Variants in ERN1 observed in about 807,000 individuals in gnomAD.
The protein encoded by ERN1 is serine/threonine-protein kinase/endoribonuclease IRE1.
In ERN1, 39 loss-of-function variants were observed where a neutral mutation model predicts 113.1. The ratio of observed to expected loss-of-function variants is 0.34; its 90% CI spans 0.27 to 0.45. The LOEUF (loss-of-function observed/expected upper bound fraction) is 0.45. Ranked by LOEUF, ERN1 falls within the 20% of genes least tolerant of loss-of-function variation. The pLI, the probability that ERN1 is intolerant of heterozygous loss-of-function variation, is 1.00. For missense variants in ERN1, 976 were observed against 1,274.8 expected (o/e 0.77, Z 3.57); for synonymous variants, 507 against 515.9 (o/e 0.98, Z 0.23).
intron 11 of ERN1, 92 bp from the exon 12 acceptor site, chr17:64,058,085 G>C (rs555811715): frequency 1.4e-3 from 1,365 of 977,140 alleles, no homozygotes; most frequent in Non-Finnish European, 1.9e-3. Flanking sequence ...CTGTTTACAA[G>C]GATATGACTG....
intron 2 of ERN1, among the ~76,000 whole-genome samples, chr17:64,084,470 G>A (rs1913863793): frequency 6.6e-6 from 1 of 151,954 alleles, no homozygotes; most frequent in African/African-American, 2.4e-5. Context: ...CCAATCACCA[G>A]CTGAGTGACC....
intron 1 of ERN1, among the ~76,000 whole-genome samples, chr17:64,105,574 C>CTG (rs918434034): frequency 6.8e-4 from 104 of 152,076 alleles, no homozygotes; most frequent in Admixed American, 1.9e-3. Context: ...GGTTTTTTCT[C>CTG]TGTGTGTGTG....
chr17:64,056,689 G>C (rs1912881526), intron 12 of ERN1, among the ~76,000 whole-genome samples: 1 of 152,200 alleles, frequency 6.6e-6, no homozygotes, highest in South Asian at 2.1e-4. Context: ...CAACCCACCA[G>C]GGAGTCGTCT....
chr17:64,117,202 G>A (rs966606524), intron 1 of ERN1, among the ~76,000 whole-genome samples: 1 of 152,098 alleles, frequency 6.6e-6, no homozygotes, highest in Non-Finnish European at 1.5e-5. Context: ...CAGCACTTTG[G>A]GAGGCCAAAG....
At chr17:64,124,776 T>C (rs1915037731) in intron 1 of ERN1, among the ~76,000 whole-genome samples, 1 of 152,232 alleles carries the variant, frequency 6.6e-6, no homozygotes, top group Non-Finnish European at 1.5e-5. Flanking sequence ...TAATGGAATA[T>C]TATTCAGCAA....
rs1482724026 is a variant in ERN1, at chr17:64,063,018, T to G, written c.1087+968A>C. Among the ~76,000 whole-genome samples the G allele has an allele frequency of 6.6e-6, 1 of 152,234 alleles. No individual in the cohort carries two copies. The highest frequency in any genetic ancestry group is 1.9e-4 in the East Asian group (1 of 5,202). On this transcript the variant is annotated intron_variant, in intron 10 of 21. Transcript: ENST00000433197. The surrounding 1 kb of genome is among the most constrained non-coding windows in gnomAD (Gnocchi z 5.1). The stretch of plus-strand genomic sequence containing the variant: ...GCACTGCCTGGCAGATCCTGCTGTT[T>G]CCTGGTCCCCACATGCTCCCAGCTG...
intron 12 of ERN1, 139 bp from the exon 13 acceptor site, chr17:64,056,087 A>G: frequency 2.2e-6 from 3 of 1,354,356 alleles, no homozygotes; most frequent in Non-Finnish European, 2.9e-6. Flanking sequence ...ACCAGTGAGA[A>G]GGCACCTGGA....
At chr17:64,055,553 T>G in intron 13 of ERN1, 122 bp downstream of exon 13, 2 of 918,624 alleles carry the variant, frequency 2.2e-6, no homozygotes, top group Non-Finnish European at 3.1e-6. Flanking sequence ...AGAGTGGAAG[T>G]TAGAGGAGAA....
chr17:64,071,523 C>T (rs531795709), intron 6 of ERN1, among the ~76,000 whole-genome samples: 1 of 152,156 alleles, frequency 6.6e-6, no homozygotes, highest in African/African-American at 2.4e-5. Flanking sequence ...CCAGTTCAGG[C>T]AATTCTCCTG....
At chr17:64,090,843 C>A (rs1914068602) in intron 2 of ERN1, among the ~76,000 whole-genome samples, 1 of 152,156 alleles carries the variant, frequency 6.6e-6, no homozygotes, top group Non-Finnish European at 1.5e-5. Context: ...GTGATGAGTA[C>A]ATGGGGGTTC....
At chr17:64,053,797 A>G (rs1043495065) in intron 15 of ERN1, among the ~76,000 whole-genome samples, 2 of 152,184 alleles carry the variant, frequency 1.3e-5, no homozygotes, top group Admixed American at 1.3e-4. Context: ...CTGCAAGCAG[A>G]CTGCCCAGGC....
rs196931 is a variant in ERN1 at position 64,054,949 on chromosome 17, C to T, written c.1673-121G>A. 725,513 of 738,188 alleles carry T rather than the reference C, an allele frequency of 0.98. 357,579 individuals carry two copies. Among genetic ancestry groups the T allele is most frequent in the East Asian group, 1 (36,468 of 36,468 alleles). 45.7% of individuals were successfully genotyped at this position (738,188 alleles called of 1,614,324 possible). ...AAGATGGGATTTAAGAGGCACTGCA[C>T]CCCAGACTGCTGCTCAGCAAGAGCC... On this transcript the variant is annotated intron_variant, in intron 13 of 21. Coordinates refer to ENST00000433197, the MANE Select transcript of ERN1 (RefSeq NM_001433.5). This position sits in a 1 kb window ranked among gnomAD's most constrained non-coding sequence, Gnocchi z 4.9.
At chr17:64,048,801 T>C (rs765929905) in intron 18 of ERN1, among the ~76,000 whole-genome samples, 3 of 93,654 alleles carry the variant, frequency 3.2e-5, no homozygotes, top group Non-Finnish European at 9.7e-5. Flanking sequence ...AAAGGGGGCT[T>C]TGCCTAGGTC....
At chr17:64,059,987 A>G (rs1283689736) in intron 11 of ERN1, among the ~76,000 whole-genome samples, 1 of 151,350 alleles carries the variant, frequency 6.6e-6, no homozygotes, top group Non-Finnish European at 1.5e-5. Flanking sequence ...CACCCAACCC[A>G]GCCTTCAACA....
chr17:64,114,852 A>G (rs1209684482), intron 1 of ERN1, among the ~76,000 whole-genome samples: 1 of 152,170 alleles, frequency 6.6e-6, no homozygotes, highest in African/African-American at 2.4e-5. Context: ...ACAGCTGAAT[A>G]TTAGCAGAAC....
chr17:64,099,367 T>G, intron 1 of ERN1, among the ~76,000 whole-genome samples: 1 of 151,960 alleles, frequency 6.6e-6, no homozygotes, highest in East Asian at 1.9e-4. Context: ...TGTGCGCACA[T>G]GTACACACGG....
intron 1 of ERN1, chr17:64,102,856 C>T: frequency 1.0e-6 from 1 of 984,862 alleles, no homozygotes; most frequent in Non-Finnish European, 1.2e-6. Context: ...AAGTTAACAA[C>T]CATTTGAAAT....
chr17:64,099,346 G>A (rs1914318630), intron 1 of ERN1, among the ~76,000 whole-genome samples: 1 of 151,570 alleles, frequency 6.6e-6, no homozygotes, highest in Non-Finnish European at 1.5e-5. Flanking sequence ...GGGTTTCCAT[G>A]GGAGCAGGTG....
intron 1 of ERN1, among the ~76,000 whole-genome samples, chr17:64,104,415 A>C (rs756030595): frequency 4.0e-4 from 61 of 152,180 alleles, no homozygotes; most frequent in Non-Finnish European, 7.9e-4. Flanking sequence ...TGAAAGCTGA[A>C]TGTTCCTTAT....
Sources: gnomAD v4.1 joint callset for allele counts (sites outside exome capture counted in the v4.1 genomes callset) on GRCh38, gnomAD v4.1.1 for gene constraint, Gnocchi (gnomAD v3.1) non-coding constraint, MANE v1.5 for transcripts, NCBI Gene and HGNC (gene_info 2026-07-23, HGNC 2026-07-21) for gene names.